The following ZHX2 variants were observed in gnomAD, a reference collection of about 807,000 sequenced individuals.
ZHX2 encodes the protein zinc fingers and homeoboxes 2.
A neutral mutation model predicts 21.9 loss-of-function variants in ZHX2; 6 were observed. The ratio of observed to expected loss-of-function variants is 0.27; its 90% confidence interval spans 0.15 to 0.54. The LOEUF is 0.54. Ranked by LOEUF, ZHX2 falls within the 20% of genes least tolerant of loss-of-function variation. The pLI is 0.95. For synonymous variants in ZHX2, 434 were observed against 437.1 expected, an observed-to-expected ratio of 0.99 and a Z score of 0.09; for missense variants, 908 against 1,090.7, an observed-to-expected ratio of 0.83 and a Z score of 2.36.
At chr8:122,781,125 C>G (rs955991379), upstream of ZHX2, 1 of 152,218 alleles carries the variant, frequency 6.6e-6, no homozygotes, top group African/African-American at 2.4e-5. The surrounding 1 kb of genome is among the most constrained non-coding windows in gnomAD (Gnocchi z 4.6). Context: ...CGGGCCAAGG[C>G]GCAGGCAGCG....
At chr8:122,807,436 G>A (rs1461965662) in intron 1 of ZHX2, among the ~76,000 whole-genome samples, 1 of 152,208 alleles carries the variant, frequency 6.6e-6, no homozygotes, top group Non-Finnish European at 1.5e-5. Flanking sequence ...TGTCATCAGC[G>A]TTACAGGTAG....
At chr8:122,799,765 G>C (rs368615530) in intron 1 of ZHX2, among the ~76,000 whole-genome samples, 3 of 152,184 alleles carry the variant, frequency 2.0e-5, no homozygotes, top group East Asian at 3.9e-4. Flanking sequence ...CCAGATTCTC[G>C]AGGAGAGTCC....
intron 1 of ZHX2, among the ~76,000 whole-genome samples, chr8:122,813,676 G>A (rs1817974890): frequency 6.6e-6 from 1 of 151,966 alleles, no homozygotes; most frequent in East Asian, 1.9e-4. Flanking sequence ...TTTAATTTTG[G>A]GATATTTGCT....
chr8:122,931,122 G>C (rs1820981336), intron 2 of ZHX2, among the ~76,000 whole-genome samples: 1 of 152,172 alleles, frequency 6.6e-6, no homozygotes, highest in South Asian at 2.1e-4. Context: ...AATGAGTGGA[G>C]CTGAACACCA....
intron 3 of ZHX2, among the ~76,000 whole-genome samples, chr8:122,954,403 G>A (rs1036857398): frequency 6.6e-6 from 1 of 152,094 alleles, no homozygotes; most frequent in African/African-American, 2.4e-5. Context: ...AAACTCCTGG[G>A]CCCAAGCGAT....
chr8:122,889,134 A>G (rs990448834), intron 2 of ZHX2, among the ~76,000 whole-genome samples: 4 of 152,174 alleles, frequency 2.6e-5, no homozygotes, highest in Non-Finnish European at 5.9e-5. Flanking sequence ...CTGTTGATGG[A>G]CATTTAGTTT....
chr8:122,902,033 G>A (rs535596777), intron 2 of ZHX2, among the ~76,000 whole-genome samples: 1 of 151,138 alleles, frequency 6.6e-6, no homozygotes, highest in Non-Finnish European at 1.5e-5. Context: ...AAAAAAAAAA[G>A]AATGTTTTAT....
chr8:122,918,764 G>A (rs2130065588), intron 2 of ZHX2, among the ~76,000 whole-genome samples: 1 of 152,134 alleles, frequency 6.6e-6, no homozygotes, highest in East Asian at 1.9e-4. Context: ...GGCCAAAATG[G>A]TGAAACCCCA....
rs138376197 is a variant in ZHX2 at position 122,916,762 on chromosome 8, C to A, written c.-219-34530C>A. On this transcript the variant is annotated intron_variant, in intron 2 of 3. Transcript: ENST00000314393. ...CATCCATCCTATCGTTTAACCTTTT[C>A]TTCCAGAGCCAGGACTTTGTGTCTG... Among the ~76,000 whole-genome samples, 400 of 152,204 alleles carry A rather than the reference C, an allele frequency of 2.6e-3. 3 individuals are homozygous for A. Among genetic ancestry groups the A allele is most frequent in the African/African-American group, 9.1e-3 (377 of 41,520 alleles).
At chr8:122,832,913 G>C (rs1818410966) in intron 1 of ZHX2, among the ~76,000 whole-genome samples, 1 of 152,118 alleles carries the variant, frequency 6.6e-6, no homozygotes, top group African/African-American at 2.4e-5. Context: ...TTTGAGAGGG[G>C]CTACACAGGA....
intron 1 of ZHX2, among the ~76,000 whole-genome samples, chr8:122,838,554 T>C (rs1243101541): frequency 1.3e-5 from 2 of 150,532 alleles, no homozygotes; most frequent in Non-Finnish European, 2.9e-5. Context: ...ATATGAAGTC[T>C]ACAGTATTTA....
chr8:122,827,217 C>G (rs1321783209), intron 1 of ZHX2, among the ~76,000 whole-genome samples: 1 of 152,042 alleles, frequency 6.6e-6, no homozygotes, highest in African/African-American at 2.4e-5. Context: ...GTTTTCTCCC[C>G]TGTAGAAACA....
intron 2 of ZHX2, among the ~76,000 whole-genome samples, chr8:122,936,273 A>G (rs1309240551): frequency 6.6e-6 from 1 of 152,232 alleles, no homozygotes; most frequent in Non-Finnish European, 1.5e-5. Context: ...GTTTAGAAAC[A>G]TGATGTTCAG....
At chr8:122,826,737 T>G (rs1475028496) in intron 1 of ZHX2, among the ~76,000 whole-genome samples, 1 of 152,174 alleles carries the variant, frequency 6.6e-6, no homozygotes, top group African/African-American at 2.4e-5. Flanking sequence ...CTAGAATGTG[T>G]TCGGAAAAAT....
Position 122,808,780 on chromosome 8 carries a change from A to G in ZHX2, c.-283+26834A>G, listed in dbSNP as rs1817870963. On this transcript the variant is annotated intron_variant, in intron 1 of 3. Transcript: ENST00000314393. ...GGAATCCATTACAGAGAGGAGAGTGACCTGTCAGATTACCAAAAATAGTAA... is the reference window on the plus strand; with the variant it reads ...GGAATCCATTACAGAGAGGAGAGTGGCCTGTCAGATTACCAAAAATAGTAA... The G allele has an allele frequency of 2.0e-5, 3 of 152,218 alleles. No individual in the cohort carries two copies. The South Asian group carries it at 6.2e-4, about 32-fold the overall frequency. 9.4% of individuals were successfully genotyped at this position (152,218 alleles called of 1,614,324 possible).
chr8:122,799,503 G>A (rs1014496211), intron 1 of ZHX2, among the ~76,000 whole-genome samples: 1 of 152,212 alleles, frequency 6.6e-6, no homozygotes, highest in Non-Finnish European at 1.5e-5. Flanking sequence ...TAAGAATCCA[G>A]AGAAGTCGTC....
At chr8:122,947,276 A>AG (rs1320562548) in intron 2 of ZHX2, among the ~76,000 whole-genome samples, 2 of 151,772 alleles carry the variant, frequency 1.3e-5, no homozygotes, top group Non-Finnish European at 2.9e-5. Context: ...AAAAAAAAAA[A>AG]AAACCTTTCT....
At chr8:122,837,779 A>C (rs1188030401) in intron 1 of ZHX2, among the ~76,000 whole-genome samples, 10 of 152,226 alleles carry the variant, frequency 6.6e-5, no homozygotes, top group Non-Finnish European at 2.9e-5. Context: ...ACTTGCCAAC[A>C]GATAATGTCT....
Position 122,929,031 on chromosome 8 carries a change from A to T in ZHX2, c.-219-22261A>T, listed in dbSNP as rs559464799. ...TGTGTTGTGCACTTTTCTTCAATCA[A>T]TATTATTTGATTCCACAGCAATCTT... is the stretch of plus-strand genomic sequence containing the variant. On this transcript the variant is annotated intron_variant, in intron 2 of 3. Transcript: ENST00000314393. 1.2e-4 allele frequency among the ~76,000 whole-genome samples: 18 copies of T among 152,280 alleles called. No homozygotes were observed. The South Asian group carries it at 3.5e-3, about 30-fold the overall frequency.
Sources: gnomAD v4.1 joint callset for allele counts (sites outside exome capture counted in the v4.1 genomes callset) on GRCh38, gnomAD v4.1.1 for gene constraint, Gnocchi (gnomAD v3.1) non-coding constraint, MANE v1.5 for transcripts, NCBI Gene and HGNC (gene_info 2026-07-23, HGNC 2026-07-21) for gene names.